The following APOL2 variants were observed in gnomAD, a reference collection of about 807,000 sequenced individuals.
APOL2 encodes the protein apolipoprotein L2.
A neutral mutation model predicts 7.1 loss-of-function variants in APOL2; 8 were observed. The observed-to-expected ratio is 1.12, with a 90% CI of 0.66 to 2.03. The LOEUF is 2.03. Ranked by LOEUF, APOL2 falls within the 30% of genes most tolerant of loss-of-function variation. APOL2 has a pLI of 0.00. For synonymous variants in APOL2, 177 were observed against 159.9 expected (o/e 1.11, Z -0.81); for missense variants, 471 against 415.1 (o/e 1.13, Z -1.17).
intron 4 of APOL2, among the ~76,000 whole-genome samples, chr22:36,229,054 C>G (rs1030359889): frequency 2.0e-5 from 3 of 152,316 alleles, no homozygotes; most frequent in East Asian, 1.9e-4. Context: ...GCCTTCCACA[C>G]TCACCCACTG....
intron 4 of APOL2, among the ~76,000 whole-genome samples, chr22:36,230,220 AT>A (rs2015169407): frequency 6.6e-6 from 1 of 152,228 alleles, no homozygotes; most frequent in African/African-American, 2.4e-5. Flanking sequence ...AATTACACAA[AT>A]TGGCAGCAAC....
Sources: allele counts gnomAD v4.1 joint callset (sites outside exome capture counted in the v4.1 genomes callset), GRCh38; gene constraint gnomAD v4.1.1; transcripts MANE v1.5; gene names NCBI Gene and HGNC (gene_info 2026-07-23, HGNC 2026-07-21).